NLRC5: variants seen among roughly 807,000 people sequenced by gnomAD.
The protein encoded by NLRC5 is protein NLRC5.
In NLRC5, 114 loss-of-function variants were observed where a neutral mutation model predicts 206.9. The ratio of observed to expected loss-of-function variants is 0.55; its 90% CI spans 0.47 to 0.64. The LOEUF (loss-of-function observed/expected upper bound fraction) is 0.64. NLRC5 is among the 30% of genes least tolerant of loss of function. The pLI is 0.00. For missense variants in NLRC5, 2,008 were observed against 2,305.5 expected, an observed-to-expected ratio of 0.87 and a Z score of 2.64; for synonymous variants, 952 against 962.8, an observed-to-expected ratio of 0.99 and a Z score of 0.21.
chr16:57,037,572 G>A (rs1293201525), intron 15 of NLRC5, among the ~76,000 whole-genome samples: 1 of 152,128 alleles, frequency 6.6e-6, no homozygotes, highest in African/African-American at 2.4e-5. Flanking sequence ...AGAGGCAGAG[G>A]GCACAACTCT....
At chr16:57,078,463 C>CTTTTTTTTTTTTTT (rs1567650358) in intron 43 of NLRC5, among the ~76,000 whole-genome samples, 5 of 123,882 alleles carry the variant, frequency 4.0e-5, no homozygotes, top group African/African-American at 1.8e-4. Context: ...GTGCTGGGAC[C>CTTTTTTTTTTTTTT]TTGTTTTTTT....
chr16:57,071,212 TG>T (rs1215280108), intron 38 of NLRC5, among the ~76,000 whole-genome samples: 4 of 140,420 alleles, frequency 2.8e-5, no homozygotes, highest in South Asian at 2.4e-4. Context: ...TGGTGGTTAA[TG>T]GGGAAGGGAG....
rs576483039 is a variant in NLRC5, at chr16:57,028,405, G to C, written c.2243+20G>C. 2.5e-6 allele frequency: 4 copies of C among 1,594,786 alleles called. No homozygotes were observed. The South Asian group carries it at 4.4e-5, about 18-fold the overall frequency. ...AGTCAGGTGAGTGATCTCCAGGAGG[G>C]CTCACTGACTGGGGAGATGAGCCAC... On this transcript the variant is annotated intron_variant, in intron 8 of 48. Coordinates refer to ENST00000688547, the MANE Select transcript of NLRC5 (RefSeq NM_001384950.1).
At chr16:57,033,154 C>T (rs1212564622) in intron 11 of NLRC5, among the ~76,000 whole-genome samples, 3 of 152,194 alleles carry the variant, frequency 2.0e-5, no homozygotes, top group Non-Finnish European at 2.9e-5. Flanking sequence ...TCATGCTCCT[C>T]GCCTTCTGAA....
At chr16:57,070,905 GTGA>G (rs2067604380) in intron 38 of NLRC5, among the ~76,000 whole-genome samples, 1 of 146,946 alleles carries the variant, frequency 6.8e-6, no homozygotes, top group Admixed American at 6.7e-5. Context: ...TGAGTGAGTG[GTGA>G]TGGTGGTTAA....
intron 30 of NLRC5, 97 bp from the exon 31 acceptor site, chr16:57,061,351 G>T: frequency 8.2e-7 from 1 of 1,215,614 alleles, no homozygotes; most frequent in Non-Finnish European, 1.2e-6. Flanking sequence ...TCAGAGGTGG[G>T]ATGCTCCCCC....
intron 23 of NLRC5, among the ~76,000 whole-genome samples, chr16:57,049,980 G>T (rs1456000096): frequency 1.3e-5 from 2 of 152,046 alleles, no homozygotes; most frequent in African/African-American, 4.8e-5. Context: ...CACCGGGGAA[G>T]CCAGGGAAGA....
intron 32 of NLRC5, among the ~76,000 whole-genome samples, chr16:57,064,952 AT>A (rs1323241965): frequency 1.3e-5 from 2 of 152,316 alleles, no homozygotes; most frequent in East Asian, 1.9e-4. Flanking sequence ...AGATAAAAAA[AT>A]AAAATATAAA....
intron 1 of NLRC5, among the ~76,000 whole-genome samples, chr16:57,011,983 T>C (rs1470254435): frequency 6.6e-6 from 1 of 152,232 alleles, no homozygotes; most frequent in Non-Finnish European, 1.5e-5. Context: ...TATGTGACCA[T>C]CACCACAATC....
Position 57,026,567 on chromosome 16 carries a change from A to G in NLRC5, c.1624A>G (p.Thr542Ala). Residue 542 changes from threonine (T) to alanine (A), a missense_variant, in exon 6 of 49, where the codon ACC becomes GCC. Transcript: ENST00000688547. ...CAAAGACACACTTACCCAGTATGTT[A>G]CCCTCCATTCCCGCTGGGTACAGCG... Reference protein sequence around the residue: ...VNKDTLTQYVTLHSRWVQRTK... With the variant: ...VNKDTLTQYVALHSRWVQRTK... 3 of 1,613,982 alleles carry G rather than the reference A, an allele frequency of 1.9e-6. No homozygotes were observed. The highest frequency in any genetic ancestry group is 2.5e-6 in the Non-Finnish European group (3 of 1,179,990).
intron 38 of NLRC5, 29 bp from the exon 39 acceptor site, chr16:57,074,571 T>A (rs2068130585): frequency 6.2e-7 from 1 of 1,607,534 alleles, no homozygotes; most frequent in South Asian, 1.1e-5. Flanking sequence ...CCCCCAGATG[T>A]CAAGTTCACC....
intron 6 of NLRC5, among the ~76,000 whole-genome samples, 182 bp from the exon 7 acceptor site, chr16:57,027,890 A>C (rs1258172058): frequency 3.3e-5 from 5 of 152,224 alleles, no homozygotes; most frequent in African/African-American, 1.2e-4. Flanking sequence ...CATGTTCCTC[A>C]TGATAGCTCT....
rs137878660 is a variant in NLRC5, at chr16:57,074,971, G to C, written c.4751+288G>C. 3.6e-3 allele frequency among the ~76,000 whole-genome samples: 450 copies of C among 125,082 alleles called. 2 individuals are homozygous for C. Among genetic ancestry groups the C allele is most frequent in the African/African-American group, 0.013 (436 of 33,620 alleles). The allele number at this position is 125,082 out of a possible 152,430, so 82.1% of individuals were successfully genotyped here. A position where few individuals can be genotyped will look rare whatever the true frequency, so the allele number is the denominator to read the frequency against. On this transcript the variant is annotated intron_variant, in intron 39 of 48. Coordinates refer to ENST00000688547, the MANE Select transcript of NLRC5 (RefSeq NM_001384950.1). ...GGGCTCTTGTTAAAATGCTCATTCT[G>C]ATTCCCCAGGTCTGGAATTCTGCCT...
chr16:57,002,645 GTTT>G (rs61167610), intron 1 of NLRC5, among the ~76,000 whole-genome samples: 1 of 94,732 alleles, frequency 1.1e-5, no homozygotes. Flanking sequence ...GTTTTTTTTT[GTTT>G]TTTTTTTTTT....
At position 56,993,143 on chromosome 16, in the gene NLRC5, ACAC is replaced by A. The variant is rs1361469724; in HGVS notation, c.-128+3527_-128+3529del. On this transcript the variant is annotated intron_variant, in intron 1 of 48. Coordinates refer to ENST00000688547, the MANE Select transcript of NLRC5 (RefSeq NM_001384950.1). ...TGTGTATATATATATACACACACACACACACACACATATACACATATATAGACA... is the reference window on the plus strand; with the variant it reads ...TGTGTATATATATATACACACACACAACACACATATACACATATATAGACA... Among the ~76,000 whole-genome samples, 3 of 151,584 alleles carry A rather than the reference ACAC, an allele frequency of 2.0e-5. No homozygotes were observed. In the East Asian group the frequency reaches 5.8e-4, roughly 29 times the overall value.
At chr16:57,027,632 G>A (rs1163420622) in intron 6 of NLRC5, among the ~76,000 whole-genome samples, 1 of 108,434 alleles carries the variant, frequency 9.2e-6, no homozygotes, top group Admixed American at 8.7e-5. Context: ...CAGGTACCCA[G>A]GTCCCTCCCA....
chr16:57,058,022 G>A, intron 27 of NLRC5, 43 bp from the exon 28 acceptor site: 2 of 1,502,532 alleles, frequency 1.3e-6, no homozygotes, highest in Non-Finnish European at 1.8e-6. Flanking sequence ...CTCAGGCTGA[G>A]GAGGCACCTC....
chr16:57,051,674 G>C (rs1446828921), intron 24 of NLRC5, 53 bp downstream of exon 24: 2 of 1,447,760 alleles, frequency 1.4e-6, no homozygotes, highest in African/African-American at 1.4e-5. Context: ...TGTTTCTAAG[G>C]CTCCTCCATG....
rs762970987 is a variant in NLRC5, at chr16:57,077,971, A to T, written c.5032A>T (p.Thr1678Ser). The T allele has an allele frequency of 3.7e-6, 6 of 1,612,670 alleles. No individual in the cohort carries two copies. Among genetic ancestry groups the T allele is most frequent in the Non-Finnish European group, 5.1e-6 (6 of 1,179,248 alleles). ...TGGCTGCAATGCCCTGGGGGATCCC[A>T]CAGCCCTGGGGCTGGCTCAGGAGCT... ...MLGCNALGDP[T>S]ALGLAQELPQ... is the part of the protein sequence containing the mutation. Residue 1678 changes from threonine (T) to serine (S), a missense_variant, in exon 43 of 49, where the codon ACA becomes TCA. Thr to Ser is a moderately conservative substitution (Grantham distance 58). Transcript: ENST00000688547.
Sources: gnomAD v4.1 joint callset for allele counts (sites outside exome capture counted in the v4.1 genomes callset) on GRCh38, gnomAD v4.1.1 for gene constraint, MANE v1.5 for transcripts, NCBI Gene and HGNC (gene_info 2026-07-23, HGNC 2026-07-21) for gene names.